The following LRP1B variants were observed in gnomAD, a reference collection of about 807,000 sequenced individuals.
The protein encoded by LRP1B is LDL receptor related protein 1B, also known as low-density lipoprotein receptor-related protein 1B.
LRP1B carries 217 observed loss-of-function variants against 556.6 expected under a neutral mutation model. That is an observed-to-expected ratio of 0.39 (90% CI 0.35 to 0.44). The LOEUF (loss-of-function observed/expected upper bound fraction) is 0.44, where lower values mean the gene tolerates loss of function less well. Among genes scored for constraint, LRP1B ranks in the 20% least tolerant of loss-of-function variants. The pLI is 1.00. For synonymous variants in LRP1B, 2,047 were observed against 1,865.8 expected (o/e 1.10, Z -2.50); for missense variants, 5,053 against 5,620.8 (o/e 0.90, Z 3.23).
At chr2:140,351,398 G>A (rs568460503) in intron 76 of LRP1B, among the ~76,000 whole-genome samples, 1 of 152,062 alleles carries the variant, frequency 6.6e-6, no homozygotes, top group East Asian at 1.9e-4. Flanking sequence ...TACTCATTAA[G>A]CTTCAAAAGT....
At chr2:141,981,043 T>C (rs1702030281) in intron 1 of LRP1B, among the ~76,000 whole-genome samples, 1 of 152,120 alleles carries the variant, frequency 6.6e-6, no homozygotes, top group African/African-American at 2.4e-5. Flanking sequence ...GAAATATCTA[T>C]TATGGGTCTC....
At chr2:140,421,723 C>A (rs548314088) in intron 66 of LRP1B, among the ~76,000 whole-genome samples, 4 of 152,040 alleles carry the variant, frequency 2.6e-5, no homozygotes, top group Admixed American at 2.6e-4. Context: ...TTCTTTTTAA[C>A]CTCTCATCAG....
chr2:141,026,687 A>G, intron 11 of LRP1B, among the ~76,000 whole-genome samples: 1 of 152,062 alleles, frequency 6.6e-6, no homozygotes, highest in East Asian at 1.9e-4. Flanking sequence ...CTTAATAATA[A>G]TTTATCTAAT....
intron 41 of LRP1B, among the ~76,000 whole-genome samples, chr2:140,620,672 T>C (rs1480649952): frequency 6.6e-6 from 1 of 151,230 alleles, no homozygotes; most frequent in African/African-American, 2.4e-5. Context: ...CTTCAAAAGA[T>C]AGTGGTACCA....
intron 35 of LRP1B, among the ~76,000 whole-genome samples, chr2:140,739,211 C>T (rs1292515310): frequency 6.6e-6 from 1 of 152,172 alleles, no homozygotes; most frequent in Non-Finnish European, 1.5e-5. Flanking sequence ...ACATGTCAGC[C>T]ACCATATGGG....
intron 6 of LRP1B, among the ~76,000 whole-genome samples, chr2:141,207,068 G>T (rs1251406722): frequency 6.6e-6 from 1 of 152,110 alleles, no homozygotes; most frequent in Non-Finnish European, 1.5e-5. Flanking sequence ...GCACAATTTT[G>T]ATAAAGACCA....
chr2:141,753,478 G>A (rs149244728), intron 2 of LRP1B, among the ~76,000 whole-genome samples: 11 of 151,522 alleles, frequency 7.3e-5, no homozygotes, highest in Non-Finnish European at 1.3e-4. Context: ...GAGGGTGTGC[G>A]TATTAGACTT....
intron 20 of LRP1B, among the ~76,000 whole-genome samples, chr2:140,941,677 T>C (rs928615194): frequency 1.5e-4 from 23 of 152,030 alleles, no homozygotes; most frequent in African/African-American, 5.6e-4. Flanking sequence ...ACCAAGTAAC[T>C]CATACAGAAC....
At chr2:140,532,624 T>G (rs1690749383) in intron 47 of LRP1B, among the ~76,000 whole-genome samples, 1 of 151,950 alleles carries the variant, frequency 6.6e-6, no homozygotes, top group African/African-American at 2.4e-5. Flanking sequence ...CTCAATCTCT[T>G]GACCTTGTGA....
At chr2:141,978,312 A>T (rs955701370) in intron 1 of LRP1B, among the ~76,000 whole-genome samples, 11 of 152,100 alleles carry the variant, frequency 7.2e-5, no homozygotes, top group Non-Finnish European at 1.3e-4. Context: ...TTATATTGGA[A>T]TGTACAAGGA....
In LRP1B at chr2:140,291,318, A is replaced by ATTTTTTTTTTT. The variant is rs1553440648; in HGVS notation, c.12967+6489_12967+6490insAAAAAAAAAAA. 2.8e-3 allele frequency among the ~76,000 whole-genome samples: 303 copies of ATTTTTTTTTTT among 109,320 alleles called. 10 individuals are homozygous for ATTTTTTTTTTT. Among genetic ancestry groups the ATTTTTTTTTTT allele is most frequent in the Admixed American group, 4.3e-3 (40 of 9,352 alleles). 71.7% of individuals were successfully genotyped at this position (109,320 alleles called of 152,430 possible). A position where few individuals can be genotyped will look rare whatever the true frequency, so the allele number is the denominator to read the frequency against. ...TTATTTTATATATATATATATATAT[A>ATTTTTTTTTTT]TTTTTATTATACTTTAAGTTCTAGG... On this transcript the variant is annotated intron_variant, in intron 84 of 90. Transcript: ENST00000389484.
chr2:141,652,379 G>A lies in LRP1B; in HGVS notation c.205+157900C>T, dbSNP rs557470653. 1.1e-3 allele frequency among the ~76,000 whole-genome samples: 165 copies of A among 152,272 alleles called. 1 individual carries two copies. Among genetic ancestry groups the A allele is most frequent in the South Asian group, 5.6e-3 (27 of 4,826 alleles). The stretch of plus-strand genomic sequence containing the variant: ...ACAGAGAAAGTAGTTATTTATCCCA[G>A]GCCTTGTTTTGATAATGTGATTTAT... On this transcript the variant is annotated intron_variant, in intron 2 of 90. Transcript: ENST00000389484.
At chr2:140,384,528 T>C (rs973658193) in intron 67 of LRP1B, among the ~76,000 whole-genome samples, 5 of 152,204 alleles carry the variant, frequency 3.3e-5, no homozygotes, top group African/African-American at 4.8e-5. Flanking sequence ...AAGATATGTA[T>C]GTAAAGAGGG....
intron 33 of LRP1B, among the ~76,000 whole-genome samples, chr2:140,775,467 ATTTTTTT>A (rs61535948): frequency 1.3e-4 from 15 of 111,188 alleles, no homozygotes; most frequent in African/African-American, 5.1e-4. Context: ...TTTTTGGTTG[ATTTTTTT>A]TTTTTTTTTT....
At chr2:140,952,383 T>C (rs1695742738) in intron 18 of LRP1B, among the ~76,000 whole-genome samples, 1 of 151,990 alleles carries the variant, frequency 6.6e-6, no homozygotes. Flanking sequence ...TCACTCTGCG[T>C]CTGAAAGATG....
At chr2:140,328,636 A>G (rs2105070916) in intron 79 of LRP1B, among the ~76,000 whole-genome samples, 1 of 152,230 alleles carries the variant, frequency 6.6e-6, no homozygotes, top group Middle Eastern at 3.4e-3. Flanking sequence ...TTTGTAAGAT[A>G]GTAATAACCA....
intron 35 of LRP1B, among the ~76,000 whole-genome samples, chr2:140,768,340 A>T (rs1689187315): frequency 6.6e-6 from 1 of 151,904 alleles, no homozygotes; most frequent in East Asian, 1.9e-4. Context: ...ATTATAAATC[A>T]AATAGCTATT....
intron 18 of LRP1B, among the ~76,000 whole-genome samples, chr2:140,963,195 TA>T (rs1441241117): frequency 2.6e-5 from 4 of 151,848 alleles, no homozygotes; most frequent in African/African-American, 7.3e-5. Flanking sequence ...TTCAAAATAA[TA>T]AATTTAATAT....
intron 23 of LRP1B, among the ~76,000 whole-genome samples, chr2:140,902,606 A>G (rs541042463): frequency 1.3e-5 from 2 of 152,252 alleles, no homozygotes; most frequent in East Asian, 3.9e-4. Context: ...AGGACCCCCT[A>G]AAAAAGCATA....
Sources: allele counts gnomAD v4.1 joint callset (sites outside exome capture counted in the v4.1 genomes callset), GRCh38; gene constraint gnomAD v4.1.1; transcripts MANE v1.5; gene names NCBI Gene and HGNC (gene_info 2026-07-23, HGNC 2026-07-21).